Variants in PIEZO1 observed in about 807,000 individuals in gnomAD.
PIEZO1 encodes the protein piezo-type mechanosensitive ion channel component 1.
Under a neutral mutation model 297.2 loss-of-function variants are expected in PIEZO1, and 296 were observed. The observed-to-expected ratio is 1.00, with a 90% CI of 0.91 to 1.10. The LOEUF (loss-of-function observed/expected upper bound fraction) is 1.10. PIEZO1 is among the 50% of genes least tolerant of loss of function. PIEZO1 has a pLI of 0.00. For synonymous variants in PIEZO1, 2,427 were observed against 1,507.5 expected (o/e 1.61, Z -14.13); for missense variants, 5,018 against 3,455.5 (o/e 1.45, Z -11.34).
chr16:88,737,910 C>T (rs1905350820), intron 8 of PIEZO1, 24 bp downstream of exon 8: 1 of 1,530,574 alleles, frequency 6.5e-7, no homozygotes, highest in African/African-American at 1.4e-5. Flanking sequence ...CTCAGCCCAC[C>T]CACCATGGGT....
chr16:88,726,199 G>A (rs1009082642), intron 27 of PIEZO1, 85 bp downstream of exon 27: 44 of 1,193,072 alleles, frequency 3.7e-5, no homozygotes, highest in Middle Eastern at 2.8e-4. Context: ...TCCACGGGCC[G>A]GGGCCTGAGA....
In PIEZO1 at chr16:88,772,467, C is replaced by G. The variant is rs577528830; in HGVS notation, c.64+12434G>C. 7.5e-4 allele frequency among the ~76,000 whole-genome samples: 114 copies of G among 152,298 alleles called. 1 individual carries two copies. The highest frequency in any genetic ancestry group is 2.6e-3 in the African/African-American group (107 of 41,568). On this transcript the variant is annotated intron_variant, in intron 1 of 50. Transcript: ENST00000301015. ...GCCCACAGGCAGGTGGCAGAGGGCACGGCTTCCTCCCTCATAAAAAGGCCC... is the reference window on the plus strand; with the variant it reads ...GCCCACAGGCAGGTGGCAGAGGGCAGGGCTTCCTCCCTCATAAAAAGGCCC...
At chr16:88,720,790 T>G (rs1283088775) in intron 39 of PIEZO1, 42 bp from the exon 40 acceptor site, 2 of 1,448,978 alleles carry the variant, frequency 1.4e-6, no homozygotes, top group Non-Finnish European at 1.8e-6. Context: ...CCCTGGGGAC[T>G]GGGCCTGGCT....
chr16:88,760,263 G>A lies in PIEZO1; in HGVS notation c.65-10784C>T, dbSNP rs1236537725. ...CCGTCTCAGGCTGGGATCCTGCACG[G>A]TTCTCTGTCCATCCCAATCCACCCC... On this transcript the variant is annotated intron_variant, in intron 1 of 50. Transcript: ENST00000301015. 2.0e-5 allele frequency among the ~76,000 whole-genome samples: 3 copies of A among 152,202 alleles called. No individual in the cohort carries two copies. The East Asian group carries it at 5.8e-4, about 29-fold the overall frequency.
rs1324787629 is a variant in PIEZO1 at position 88,725,525 on chromosome 16, G to A, written c.4059-6C>T. On this transcript the variant is annotated splice_region_variant and splice_polypyrimidine_tract_variant and intron_variant, in intron 28 of 50. Transcript: ENST00000301015. ...TGGCACGGATACGCTCCATCCTGTGGTGGGGAAAGGTGGGGTATGCTGAGC... is the reference window on the plus strand; with the variant it reads ...TGGCACGGATACGCTCCATCCTGTGATGGGGAAAGGTGGGGTATGCTGAGC... 4 of 1,536,132 alleles carry A rather than the reference G, an allele frequency of 2.6e-6. No homozygotes were observed. Among genetic ancestry groups the A allele is most frequent in the Non-Finnish European group, 2.6e-6 (3 of 1,137,434 alleles).
chr16:88,719,990 C>T, intron 42 of PIEZO1, 30 bp from the exon 43 acceptor site: 1 of 1,549,580 alleles, frequency 6.5e-7, no homozygotes, highest in Admixed American at 2.0e-5. Flanking sequence ...TCAAGGACCC[C>T]ATCAGAAACA....
chr16:88,754,115 C>T (rs990833222), intron 1 of PIEZO1, among the ~76,000 whole-genome samples: 5 of 152,174 alleles, frequency 3.3e-5, no homozygotes, highest in African/African-American at 7.2e-5. Context: ...CACCAGCACA[C>T]GCCTGACTAT....
At chr16:88,742,188 G>A in intron 3 of PIEZO1, 93 bp from the exon 4 acceptor site, 1 of 1,506,828 alleles carries the variant, frequency 6.6e-7, no homozygotes, top group East Asian at 2.5e-5. Context: ...GACCATCCAG[G>A]CCAGACATAA....
chr16:88,717,741 T>TTGA (rs1441178000), intron 44 of PIEZO1: 3 of 443,428 alleles, frequency 6.8e-6, no homozygotes, highest in African/African-American at 2.0e-5. Context: ...CAAATTTTAA[T>TTGA]TGATAAGGTT....
At position 88,735,128 on chromosome 16, in the gene PIEZO1, C is replaced by T. The variant is rs770940515; in HGVS notation, c.1669+7G>A. The T allele has an allele frequency of 6.5e-7, 1 of 1,549,934 alleles. No homozygotes were observed. Among genetic ancestry groups the T allele is most frequent in the African/African-American group, 1.4e-5 (1 of 73,178 alleles). On this transcript the variant is annotated splice_region_variant and intron_variant, in intron 13 of 50. Coordinates refer to ENST00000301015, the MANE Select transcript of PIEZO1 (RefSeq NM_001142864.4). ...AGGGCAACCCCCGCCTCTGGCCCAC[C>T]ACTCACCTGTGTCTGCCACGGTGAC...
chr16:88,716,585 G>A lies in PIEZO1; in HGVS notation c.6900C>T (p.Thr2300=), dbSNP rs1912052515. 1.0e-5 allele frequency: 16 copies of A among 1,547,088 alleles called. No homozygotes were observed. The African/African-American group carries it at 1.2e-4, about 12-fold the overall frequency. Residue 2300 remains threonine (T), a synonymous_variant, in exon 47 of 51, where the codon ACC becomes ACT. Transcript: ENST00000301015. ...RELYNGTADI[T]LRFTWNFQRD... ...TCTGGAAGTTCCAGGTGAAGCGCAGGGTGATGTCGGCCGTGCCGTTGTAGA... is the reference window on the plus strand; with the variant it reads ...TCTGGAAGTTCCAGGTGAAGCGCAGAGTGATGTCGGCCGTGCCGTTGTAGA...
chr16:88,778,074 G>A (rs1288991648), intron 1 of PIEZO1, among the ~76,000 whole-genome samples: 2 of 152,210 alleles, frequency 1.3e-5, no homozygotes, highest in East Asian at 1.9e-4. Context: ...CCCCGAGGCT[G>A]GAGGCTTCTA....
At chr16:88,781,008 G>GA (rs2142913944) in intron 1 of PIEZO1, among the ~76,000 whole-genome samples, 1 of 152,322 alleles carries the variant, frequency 6.6e-6, no homozygotes, top group Non-Finnish European at 1.5e-5. Flanking sequence ...TAGCTAAACA[G>GA]AAGACTAACA....
Position 88,720,643 on chromosome 16 carries a change from C to T in PIEZO1, c.5774G>A (p.Arg1925Gln), listed in dbSNP as rs977637475. The part of the protein sequence containing the change: ...RSGGRVRAAG[R>Q]RLQGFCLSLA... Reference sequence around the variant, plus strand: ...GGACAGGCAGAAGCCCTGCAGCCGCCGCCCGGCCGCCCTTACTCTTCCTCC... The same window carrying T: ...GGACAGGCAGAAGCCCTGCAGCCGCTGCCCGGCCGCCCTTACTCTTCCTCC... Residue 1925 changes from arginine to glutamine, a missense_variant, in exon 40 of 51, where the codon CGG becomes CAG. Transcript: ENST00000301015. 1.6e-5 allele frequency: 24 copies of T among 1,547,014 alleles called. No individual in the cohort carries two copies. Among genetic ancestry groups the T allele is most frequent in the African/African-American group, 9.6e-5 (7 of 72,944 alleles).
chr16:88,742,326 C>A lies in PIEZO1; in HGVS notation c.257G>T (p.Arg86Leu). Reference sequence around the variant, plus strand: ...GCTGGGTCCCAGGAGCTGGTCCAGGCGGGGCACAATATGCAGGCAGATCTG... The same window carrying A: ...GCTGGGTCCCAGGAGCTGGTCCAGGAGGGGCACAATATGCAGGCAGATCTG... ...ALQICLHIVP[R>L]LDQLLGPSCS... The change falls in exon 3 of 51, where the codon CGC becomes CTC. Residue 86 changes from arginine to leucine, a missense_variant. Physicochemically the swap from Arg to Leu is moderately radical, Grantham distance 102 (BLOSUM62 -2). Coordinates refer to ENST00000301015, the MANE Select transcript of PIEZO1 (RefSeq NM_001142864.4). 2 of 1,534,966 alleles carry A rather than the reference C, an allele frequency of 1.3e-6. No homozygotes were observed. The highest frequency in any genetic ancestry group is 1.7e-6 in the Non-Finnish European group (2 of 1,146,348).
chr16:88,727,066 T>A lies in PIEZO1; in HGVS notation c.3428A>T (p.Asn1143Ile), dbSNP rs748664444. 1 of 1,549,432 alleles carries A rather than the reference T, an allele frequency of 6.5e-7. No homozygotes were observed. Among genetic ancestry groups the A allele is most frequent in the South Asian group, 1.2e-5 (1 of 84,010 alleles). Residue 1143 changes from asparagine (N) to isoleucine (I), a missense_variant, in exon 24 of 51, where the codon AAC (asparagine) becomes ATC (isoleucine). Coordinates refer to ENST00000301015, the MANE Select transcript of PIEZO1 (RefSeq NM_001142864.4). ...DRLEPLRGEP[N>I]PVPNFIHCRS... is the part of the protein sequence containing the mutation. ...GCAGTGGATAAAGTTGGGCACGGGGTTGGGCTCCCCCCGCAGCGGCTCCAG... is the reference window on the plus strand; with the variant it reads ...GCAGTGGATAAAGTTGGGCACGGGGATGGGCTCCCCCCGCAGCGGCTCCAG...
chr16:88,724,012 G>A (rs1904306125), intron 30 of PIEZO1, 41 bp from the exon 31 acceptor site: 2 of 1,241,966 alleles, frequency 1.6e-6, no homozygotes, highest in East Asian at 2.5e-5. Context: ...TCCATGCAGG[G>A]AGACTCCCAG....
At chr16:88,742,142 C>T in intron 3 of PIEZO1, 47 bp from the exon 4 acceptor site, 1 of 1,532,874 alleles carries the variant, frequency 6.5e-7, no homozygotes. Context: ...GCCCAGCCAG[C>T]ACCGTGGCCT....
intron 2 of PIEZO1, among the ~76,000 whole-genome samples, chr16:88,749,158 T>G (rs1399284669): frequency 6.6e-6 from 1 of 150,854 alleles, no homozygotes; most frequent in African/African-American, 2.4e-5. Context: ...GAGAATGGCG[T>G]GAACCTGGGA....
Sources: gnomAD v4.1 joint callset for allele counts (sites outside exome capture counted in the v4.1 genomes callset) on GRCh38, gnomAD v4.1.1 for gene constraint, MANE v1.5 for transcripts, NCBI Gene and HGNC (gene_info 2026-07-23, HGNC 2026-07-21) for gene names.